GTF2IRD1: variants seen among roughly 807,000 people sequenced by gnomAD.
The protein encoded by GTF2IRD1 is general transcription factor II-I repeat domain-containing protein 1.
In GTF2IRD1, 26 loss-of-function variants were observed where a neutral mutation model predicts 113.2. The observed-to-expected ratio is 0.23, with a 90% CI of 0.17 to 0.32. The LOEUF (loss-of-function observed/expected upper bound fraction) is 0.32. Ranked by LOEUF, GTF2IRD1 falls within the 10% of genes least tolerant of loss-of-function variation. The pLI, the probability that GTF2IRD1 is intolerant of heterozygous loss-of-function variation, is 1.00. For missense variants in GTF2IRD1, 864 were observed against 1,280.8 expected, an observed-to-expected ratio of 0.67 and a Z score of 4.97; for synonymous variants, 484 against 529.1, an observed-to-expected ratio of 0.91 and a Z score of 1.17.
At chr7:74,469,654 C>A (rs1554331850) in intron 1 of GTF2IRD1, among the ~76,000 whole-genome samples, 4 of 152,172 alleles carry the variant, frequency 2.6e-5, no homozygotes, top group Non-Finnish European at 4.4e-5. Flanking sequence ...ATGGATAGAT[C>A]ATATTTATCT....
At chr7:74,574,626 A>AT (rs1800906997) in intron 22 of GTF2IRD1, among the ~76,000 whole-genome samples, 2 of 149,504 alleles carry the variant, frequency 1.3e-5, no homozygotes, top group South Asian at 4.3e-4. Flanking sequence ...TGCCAGGCTA[A>AT]TTTTTGTATT....
chr7:74,570,460 CCTGGGCAACATAGTGAGACCCTGT>C (rs1800633781), intron 22 of GTF2IRD1, among the ~76,000 whole-genome samples: 1 of 151,706 alleles, frequency 6.6e-6, no homozygotes, highest in Non-Finnish European at 1.5e-5. Context: ...AGGAGACCAG[CCTGGGCAACATAGTGAGACCCTGT>C]CTCTACAAAA....
chr7:74,550,037 C>CA (rs34689973), intron 17 of GTF2IRD1, among the ~76,000 whole-genome samples: 55 of 142,226 alleles, frequency 3.9e-4, no homozygotes, highest in Admixed American at 1.2e-3. Context: ...AACTCCATCT[C>CA]AAAAAAAAAA....
intron 17 of GTF2IRD1, among the ~76,000 whole-genome samples, chr7:74,549,148 G>A (rs150871500): frequency 6.6e-6 from 1 of 152,106 alleles, no homozygotes; most frequent in East Asian, 1.9e-4. Context: ...AGATTAGCCA[G>A]GTGTGGTGGC....
At chr7:74,472,752 C>CAGTA (rs1794185163) in intron 1 of GTF2IRD1, among the ~76,000 whole-genome samples, 1 of 152,284 alleles carries the variant, frequency 6.6e-6, no homozygotes, top group Admixed American at 6.5e-5. Flanking sequence ...AACTCTGCCT[C>CAGTA]AGTAAATAAA....
intron 1 of GTF2IRD1, among the ~76,000 whole-genome samples, chr7:74,482,526 C>A (rs894340993): frequency 6.6e-6 from 1 of 152,162 alleles, no homozygotes; most frequent in Non-Finnish European, 1.5e-5. Flanking sequence ...CTGTTTCTGG[C>A]CTTATGCACA....
rs1014268750 is a variant in GTF2IRD1 at position 74,462,381 on chromosome 7, A to G, written c.-7+8205A>G. Reference sequence around the variant, plus strand: ...CTTGTCCTGACCCCAGCAACCACTGATCTGTCTTCTGTATATGGTTTTCCA... The same window carrying G: ...CTTGTCCTGACCCCAGCAACCACTGGTCTGTCTTCTGTATATGGTTTTCCA... On this transcript the variant is annotated intron_variant, in intron 1 of 26. Coordinates refer to ENST00000424337, the MANE Select transcript of GTF2IRD1 (RefSeq NM_005685.4). Among the ~76,000 whole-genome samples, 9 of 152,250 alleles carry G rather than the reference A, an allele frequency of 5.9e-5. No homozygotes were observed. In the South Asian group the frequency reaches 1.7e-3, roughly 28 times the overall value.
At chr7:74,599,486 C>T (rs1802617721) in intron 25 of GTF2IRD1, among the ~76,000 whole-genome samples, 3 of 152,030 alleles carry the variant, frequency 2.0e-5, no homozygotes, top group Admixed American at 6.6e-5. Flanking sequence ...CACTGGTTTC[C>T]CCATTTGACT....
At chr7:74,594,188 G>C (rs1349968916) in intron 24 of GTF2IRD1, among the ~76,000 whole-genome samples, 1 of 150,978 alleles carries the variant, frequency 6.6e-6, no homozygotes, top group Admixed American at 6.6e-5. Flanking sequence ...AACAGAGCAA[G>C]ACTCCGTCTC....
Position 74,557,854 on chromosome 7 carries a change from A to G in GTF2IRD1, c.2107+132A>G, listed in dbSNP as rs2130772626. On this transcript the variant is annotated intron_variant, in intron 20 of 26. Transcript: ENST00000424337. ...CTTTACATGTATTTCTTGAGCATAT[A>G]CTACGTGCCAGGCACTGTCTCAGGC... is the stretch of plus-strand genomic sequence containing the variant. 3 of 616,916 alleles carry G rather than the reference A, an allele frequency of 4.9e-6. No homozygotes were observed. The East Asian group carries it at 8.3e-5, about 17-fold the overall frequency. 38.2% of individuals were successfully genotyped at this position (616,916 alleles called of 1,614,324 possible).
intron 22 of GTF2IRD1, among the ~76,000 whole-genome samples, chr7:74,562,811 G>A (rs1800061400): frequency 6.6e-6 from 1 of 151,970 alleles, no homozygotes; most frequent in African/African-American, 2.4e-5. Context: ...CTCCTGGCCA[G>A]CCTCAAGTGA....
intron 22 of GTF2IRD1, among the ~76,000 whole-genome samples, chr7:74,577,107 G>T (rs1489727068): frequency 6.6e-6 from 1 of 150,600 alleles, no homozygotes; most frequent in Non-Finnish European, 1.5e-5. Flanking sequence ...GCGCAATCTC[G>T]GCTCACTGCA....
intron 25 of GTF2IRD1, among the ~76,000 whole-genome samples, chr7:74,597,148 T>G (rs1490615709): frequency 3.3e-5 from 5 of 151,984 alleles, no homozygotes; most frequent in African/African-American, 1.2e-4. Context: ...GTTCAAGTGA[T>G]TCTCCTGCCT....
chr7:74,575,071 C>T (rs1251598587), intron 22 of GTF2IRD1, among the ~76,000 whole-genome samples: 2 of 149,582 alleles, frequency 1.3e-5, no homozygotes, highest in Admixed American at 1.4e-4. Flanking sequence ...GCTTGGGCAA[C>T]AAGAGCGAAA....
intron 1 of GTF2IRD1, among the ~76,000 whole-genome samples, chr7:74,486,878 C>T (rs1795059974): frequency 6.6e-6 from 1 of 152,062 alleles, no homozygotes; most frequent in Non-Finnish European, 1.5e-5. Flanking sequence ...ACTCAGGACA[C>T]TGAGGGTGGC....
chr7:74,521,358 T>C, intron 7 of GTF2IRD1, 61 bp downstream of exon 7: 2 of 980,500 alleles, frequency 2.0e-6, no homozygotes, highest in Non-Finnish European at 3.3e-6. Context: ...GAGGTGGTGC[T>C]TATTGAAATG....
chr7:74,495,795 C>T (rs1795623773), intron 1 of GTF2IRD1, among the ~76,000 whole-genome samples: 1 of 152,218 alleles, frequency 6.6e-6, no homozygotes, highest in African/African-American at 2.4e-5. Flanking sequence ...GCAAGGCCCA[C>T]CCAGGGGCCT....
intron 1 of GTF2IRD1, among the ~76,000 whole-genome samples, chr7:74,456,380 C>T (rs1444533293): frequency 2.0e-5 from 3 of 152,112 alleles, no homozygotes; most frequent in South Asian, 2.1e-4. Context: ...CTTCCTCAGC[C>T]GACTCATAAA....
intron 4 of GTF2IRD1, among the ~76,000 whole-genome samples, chr7:74,517,401 C>T (rs1225071964): frequency 8.8e-5 from 13 of 147,018 alleles, no homozygotes; most frequent in East Asian, 4.3e-4. Context: ...TCCCCCCTCT[C>T]GGTCTCTCTC....
Sources: allele counts gnomAD v4.1 joint callset (sites outside exome capture counted in the v4.1 genomes callset), GRCh38; gene constraint gnomAD v4.1.1; transcripts MANE v1.5; gene names NCBI Gene and HGNC (gene_info 2026-07-23, HGNC 2026-07-21).